Variants in PRKCB observed in about 807,000 individuals in gnomAD.
PRKCB encodes the protein protein kinase C beta, also known as protein kinase C beta type.
PRKCB carries 13 observed loss-of-function variants against 81.5 expected under a neutral mutation model. The observed-to-expected ratio is 0.16, with a 90% CI of 0.10 to 0.25. PRKCB has a LOEUF of 0.25. Among genes scored for constraint, PRKCB ranks in the 10% least tolerant of loss-of-function variants. The pLI is 1.00. For missense variants in PRKCB, 509 were observed against 875.7 expected (o/e 0.58, Z 5.29); for synonymous variants, 335 against 321.4 (o/e 1.04, Z -0.45).
At chr16:24,079,489 A>G (rs1201546903) in intron 5 of PRKCB, among the ~76,000 whole-genome samples, 1 of 152,054 alleles carries the variant, frequency 6.6e-6, no homozygotes, top group Non-Finnish European at 1.5e-5. Context: ...TTTTTTTTCT[A>G]ACTAAAAATG....
chr16:24,113,099 C>CT, intron 8 of PRKCB, 30 bp downstream of exon 8: 2 of 1,541,292 alleles, frequency 1.3e-6, no homozygotes, highest in Non-Finnish European at 1.8e-6. Context: ...TCTCTTCTTT[C>CT]TTTTTTCTCT....
At chr16:23,953,193 C>A (rs1188469458) in intron 2 of PRKCB, among the ~76,000 whole-genome samples, 1 of 152,180 alleles carries the variant, frequency 6.6e-6, no homozygotes, top group Non-Finnish European at 1.5e-5. Context: ...TTCTCTGGAG[C>A]TTGATCCTTC....
At chr16:24,006,875 A>G (rs1239777274) in intron 3 of PRKCB, among the ~76,000 whole-genome samples, 1 of 152,192 alleles carries the variant, frequency 6.6e-6, no homozygotes, top group East Asian at 1.9e-4. Flanking sequence ...TGTTGCGCCA[A>G]TTGGAACAAC....
At chr16:24,124,030 A>C in intron 9 of PRKCB, 49 bp downstream of exon 9, 7 of 1,608,116 alleles carry the variant, frequency 4.4e-6, no homozygotes, top group Non-Finnish European at 6.0e-6. Context: ...AACATCTAAC[A>C]ACACAGGCAC....
rs1040690573 is a variant in PRKCB, at chr16:24,216,054, G to A, written c.*1238G>A. 3.8e-5 allele frequency: 37 copies of A among 985,088 alleles called. No homozygotes were observed. The highest frequency in any genetic ancestry group is 1.7e-5 in the African/African-American group (1 of 57,186). 61.0% of individuals were successfully genotyped at this position (985,088 alleles called of 1,614,324 possible). Reference sequence around the variant, plus strand: ...GAAAACTGCTCTTTTTGAGAAACGTGGACCTAAACTACAAAGTGGGAACTG... The same window carrying A: ...GAAAACTGCTCTTTTTGAGAAACGTAGACCTAAACTACAAAGTGGGAACTG... On this transcript the variant is annotated 3_prime_UTR_variant, in exon 17 of 17. Coordinates refer to ENST00000643927, the MANE Select transcript of PRKCB (RefSeq NM_002738.7).
chr16:24,095,588 A>G (rs895138509), intron 7 of PRKCB, among the ~76,000 whole-genome samples: 4 of 152,206 alleles, frequency 2.6e-5, no homozygotes, highest in African/African-American at 9.7e-5. Flanking sequence ...ATAAAGGCTG[A>G]TAATAATCCA....
At chr16:23,896,956 C>T (rs1365667688) in intron 2 of PRKCB, among the ~76,000 whole-genome samples, 4 of 151,912 alleles carry the variant, frequency 2.6e-5, no homozygotes. Context: ...ATCCATCCAC[C>T]CACCCATCTA....
intron 16 of PRKCB, among the ~76,000 whole-genome samples, chr16:24,206,058 A>G (rs1377131433): frequency 1.3e-5 from 2 of 152,222 alleles, no homozygotes; most frequent in African/African-American, 4.8e-5. Flanking sequence ...CAGACTTAGT[A>G]TCAAACACAA....
intron 3 of PRKCB, among the ~76,000 whole-genome samples, chr16:24,010,513 G>T (rs1390410059): frequency 6.6e-6 from 1 of 152,292 alleles, no homozygotes; most frequent in Non-Finnish European, 1.5e-5. Context: ...AGTCAAATGG[G>T]CTTTCTTTGG....
chr16:24,100,219 A>G (rs1239013805), intron 7 of PRKCB, among the ~76,000 whole-genome samples: 3 of 151,284 alleles, frequency 2.0e-5, no homozygotes, highest in Admixed American at 2.0e-4. Context: ...CCTTTCTCTC[A>G]TGGCTGATAA....
intron 3 of PRKCB, 89 bp downstream of exon 3, chr16:23,988,679 T>G: frequency 8.1e-7 from 1 of 1,233,090 alleles, no homozygotes; most frequent in South Asian, 1.3e-5. Flanking sequence ...GACGAGTAAG[T>G]GTGGACGATC....
intron 10 of PRKCB, among the ~76,000 whole-genome samples, chr16:24,165,183 G>A (rs573830684): frequency 3.9e-5 from 6 of 152,282 alleles, no homozygotes; most frequent in South Asian, 2.1e-4. Flanking sequence ...TGAGACTACA[G>A]GTGTGCGCCA....
intron 8 of PRKCB, among the ~76,000 whole-genome samples, chr16:24,118,437 G>T (rs1966760640): frequency 6.6e-6 from 1 of 152,228 alleles, no homozygotes; most frequent in African/African-American, 2.4e-5. Flanking sequence ...CTGCTTGGAG[G>T]TTAGGGAAAA....
At chr16:24,168,144 C>G (rs908073316) in intron 10 of PRKCB, among the ~76,000 whole-genome samples, 5 of 152,186 alleles carry the variant, frequency 3.3e-5, no homozygotes, top group Non-Finnish European at 7.4e-5. Context: ...ATATGGCCAG[C>G]ATCATGTTAG....
intron 9 of PRKCB, among the ~76,000 whole-genome samples, chr16:24,154,444 C>A (rs981530303): frequency 6.6e-6 from 1 of 152,222 alleles, no homozygotes; most frequent in South Asian, 2.1e-4. Flanking sequence ...GATCATGTTA[C>A]TACCCTCTAG....
chr16:24,143,579 G>T (rs922253242), intron 9 of PRKCB, among the ~76,000 whole-genome samples: 8 of 152,076 alleles, frequency 5.3e-5, no homozygotes, highest in African/African-American at 1.7e-4. Context: ...GGGAACTAGG[G>T]ATCGTGTGAT....
At chr16:24,061,910 T>TAA (rs1210402981) in intron 5 of PRKCB, among the ~76,000 whole-genome samples, 31,753 of 94,130 alleles carry the variant, frequency 0.34, 3,832 homozygotes, top group South Asian at 0.5. Flanking sequence ...CTTAAATAAA[T>TAA]AAAAAAAAAA....
chr16:24,068,533 T>G (rs1261718568), intron 5 of PRKCB, among the ~76,000 whole-genome samples: 2 of 151,962 alleles, frequency 1.3e-5, no homozygotes, highest in African/African-American at 2.4e-5. Context: ...TCTAATTCCT[T>G]CAAAATTCCA....
rs35025422 is a variant in PRKCB, at chr16:24,052,233, G to C, written c.529+16686G>C. On this transcript the variant is annotated intron_variant, in intron 5 of 16. Coordinates refer to ENST00000643927, the MANE Select transcript of PRKCB (RefSeq NM_002738.7). ...CTTGAGCTTGCATCAGAATCATCTA[G>C]AGAGTGCCCCACCCTCAGAGTTTCT... Among the ~76,000 whole-genome samples the C allele has an allele frequency of 3.7e-3, 570 of 152,308 alleles. 2 individuals are homozygous for C. The highest frequency in any genetic ancestry group is 5.7e-3 in the Non-Finnish European group (387 of 68,018).
Sources: gnomAD v4.1 joint callset for allele counts (sites outside exome capture counted in the v4.1 genomes callset) on GRCh38, gnomAD v4.1.1 for gene constraint, MANE v1.5 for transcripts, NCBI Gene and HGNC (gene_info 2026-07-23, HGNC 2026-07-21) for gene names.